COG6: variants seen among roughly 807,000 people sequenced by gnomAD.
COG6 encodes conserved oligomeric Golgi complex subunit 6.
In COG6, 74 loss-of-function variants were observed where a neutral mutation model predicts 88.8. That is an observed-to-expected ratio of 0.83 (90% CI 0.69 to 1.01). The LOEUF is 1.01. COG6 is among the 50% of genes least tolerant of loss of function. The pLI, the probability that COG6 is intolerant of heterozygous loss-of-function variation, is 0.00. For missense variants in COG6, 800 were observed against 797.9 expected, an observed-to-expected ratio of 1.00 and a Z score of -0.03; for synonymous variants, 286 against 278.7, an observed-to-expected ratio of 1.03 and a Z score of -0.26.
chr13:39,666,274 A>AC (rs1298455923), intron 4 of COG6, among the ~76,000 whole-genome samples: 1 of 152,194 alleles, frequency 6.6e-6, no homozygotes, highest in African/African-American at 2.4e-5. Flanking sequence ...GGTGGTGCAC[A>AC]CCTGAAGTCC....
At chr13:39,680,257 C>G (rs537232074) in intron 7 of COG6, among the ~76,000 whole-genome samples, 44 of 152,246 alleles carry the variant, frequency 2.9e-4, no homozygotes, top group Non-Finnish European at 5.0e-4. Flanking sequence ...GAAAAACAAA[C>G]TTCACATTTG....
At chr13:39,790,564 T>G (rs906287136) in exon 19 of COG6, 4 of 152,124 alleles carry the variant, frequency 2.6e-5, no homozygotes, top group African/African-American at 9.7e-5. Context: ...TTTTATAAAT[T>G]TCTATTTCAT....
chr13:39,709,756 ACACACACAC>A (rs1310341667), intron 13 of COG6, among the ~76,000 whole-genome samples: 1 of 152,088 alleles, frequency 6.6e-6, no homozygotes, highest in Admixed American at 6.6e-5. Context: ...TGTTATATGT[ACACACACAC>A]CACATTTTCT....
chr13:39,766,556 C>A (rs1881171428), intron 18 of COG6, among the ~76,000 whole-genome samples: 1 of 152,184 alleles, frequency 6.6e-6, no homozygotes, highest in Non-Finnish European at 1.5e-5. Flanking sequence ...TAACCCCATC[C>A]CATACTCCCT....
At chr13:39,735,033 T>G (rs1879660668) in intron 18 of COG6, among the ~76,000 whole-genome samples, 1 of 152,218 alleles carries the variant, frequency 6.6e-6, no homozygotes, top group Non-Finnish European at 1.5e-5. Flanking sequence ...AACAGATTTT[T>G]GGGTCTTGTT....
intron 18 of COG6, among the ~76,000 whole-genome samples, chr13:39,733,303 G>A (rs1469892989): frequency 6.7e-6 from 1 of 149,342 alleles, no homozygotes; most frequent in Non-Finnish European, 1.5e-5. Context: ...CCACTCTTCT[G>A]CCTCGGCCTC....
chr13:39,697,102 C>T (rs1007032087), intron 12 of COG6, among the ~76,000 whole-genome samples: 5 of 150,946 alleles, frequency 3.3e-5, no homozygotes, highest in Non-Finnish European at 5.9e-5. Flanking sequence ...TGAAGAGTTC[C>T]GTTCAGTTTT....
At chr13:39,788,350 C>T in exon 19 of COG6, 1 of 1,551,788 alleles carries the variant, frequency 6.4e-7, no homozygotes, top group African/African-American at 1.4e-5. Context: ...CACCCAACGG[C>T]CCATGATCAT....
intron 18 of COG6, among the ~76,000 whole-genome samples, chr13:39,766,793 T>C (rs1881179035): frequency 6.6e-6 from 1 of 152,218 alleles, no homozygotes; most frequent in African/African-American, 2.4e-5. Context: ...GAGTTCTATT[T>C]GCCAGGCTGA....
At chr13:39,718,767 C>T (rs1878677194) in intron 13 of COG6, among the ~76,000 whole-genome samples, 1 of 152,032 alleles carries the variant, frequency 6.6e-6, no homozygotes, top group African/African-American at 2.4e-5. Flanking sequence ...TCCTGGGGTG[C>T]TTGTTGAACT....
intron 8 of COG6, among the ~76,000 whole-genome samples, chr13:39,684,202 C>T (rs1354416587): frequency 1.4e-5 from 2 of 143,724 alleles, no homozygotes; most frequent in Non-Finnish European, 3.0e-5. Flanking sequence ...CTGTGAAGGG[C>T]ATATGCTAAG....
At chr13:39,782,314 C>T (rs761691290) in intron 18 of COG6, among the ~76,000 whole-genome samples, 3 of 152,200 alleles carry the variant, frequency 2.0e-5, no homozygotes, top group Non-Finnish European at 4.4e-5. Context: ...ATGAAATAAT[C>T]ATTTCAAGAC....
chr13:39,686,048 T>G (rs950293341), intron 8 of COG6, among the ~76,000 whole-genome samples: 1 of 152,174 alleles, frequency 6.6e-6, no homozygotes, highest in Non-Finnish European at 1.5e-5. Flanking sequence ...AAACCGTCTT[T>G]CACATGTTTA....
chr13:39,769,326 T>C (rs1018675204), intron 18 of COG6, among the ~76,000 whole-genome samples: 1 of 152,222 alleles, frequency 6.6e-6, no homozygotes, highest in Non-Finnish European at 1.5e-5. Flanking sequence ...AACCAACTTA[T>C]ACTTTCTCCA....
intron 4 of COG6, among the ~76,000 whole-genome samples, chr13:39,676,180 C>G (rs1043998634): frequency 6.6e-6 from 1 of 152,024 alleles, no homozygotes; most frequent in Non-Finnish European, 1.5e-5. Flanking sequence ...CTGTCCCCTT[C>G]TCCCCACTAT....
chr13:39,726,649 C>A (rs1879149949), intron 17 of COG6, among the ~76,000 whole-genome samples: 1 of 151,930 alleles, frequency 6.6e-6, no homozygotes, highest in Non-Finnish European at 1.5e-5. Flanking sequence ...AATCAGATTT[C>A]TCCCTTACTT....
At chr13:39,659,343 C>A in intron 1 of COG6, 21 bp from the exon 2 acceptor site, 1 of 1,608,978 alleles carries the variant, frequency 6.2e-7, no homozygotes, top group South Asian at 1.1e-5. Context: ...CAGTAACTGT[C>A]TTCTGTTACC....
Position 39,679,422 on chromosome 13 carries a change from A to G in COG6, c.541-116A>G, listed in dbSNP as rs929679812. ...TAGAGAAAGTTGAGATCAGTATAGG[A>G]AGGCTTCCCTAAAATAGGTGAAAGA... is the stretch of plus-strand genomic sequence containing the variant. On this transcript the variant is annotated intron_variant, in intron 5 of 18. Transcript: ENST00000455146. 1.0e-4 allele frequency: 73 copies of G among 720,988 alleles called. No individual in the cohort carries two copies. In the African/African-American group the frequency reaches 1.1e-3, roughly 11 times the overall value. 44.7% of individuals were successfully genotyped at this position (720,988 alleles called of 1,614,324 possible). A position where few individuals can be genotyped will look rare whatever the true frequency, so the allele number is the denominator to read the frequency against.
At chr13:39,691,012 CT>C (rs1489909240) in intron 11 of COG6, among the ~76,000 whole-genome samples, 1 of 151,760 alleles carries the variant, frequency 6.6e-6, no homozygotes, top group Non-Finnish European at 1.5e-5. Flanking sequence ...TTAAATTAAA[CT>C]CCTAGTCACT....
Sources: gnomAD v4.1 joint callset for allele counts (sites outside exome capture counted in the v4.1 genomes callset) on GRCh38, gnomAD v4.1.1 for gene constraint, MANE v1.5 for transcripts, NCBI Gene and HGNC (gene_info 2026-07-23, HGNC 2026-07-21) for gene names.